Variants in SPTBN5 observed in about 807,000 individuals in gnomAD.
SPTBN5 encodes spectrin beta chain, non-erythrocytic 5.
In SPTBN5, 513 loss-of-function variants were observed where a neutral mutation model predicts 477.6. The observed-to-expected ratio is 1.07, with a 90% confidence interval of 1.00 to 1.16. The LOEUF (loss-of-function observed/expected upper bound fraction) is 1.16, where lower values mean the gene tolerates loss of function less well. Ranked by LOEUF, SPTBN5 falls within the 50% of genes most tolerant of loss-of-function variation. SPTBN5 has a pLI of 0.00. For synonymous variants in SPTBN5, 2,169 were observed against 2,011.7 expected, an observed-to-expected ratio of 1.08 and a Z score of -2.09; for missense variants, 5,062 against 4,731.8, an observed-to-expected ratio of 1.07 and a Z score of -2.05.
rs200590096 is a variant in SPTBN5, at chr15:41,877,178, C to T, written c.3649G>A (p.Val1217Met). ...GCACAGGTGGCAGTGAAACCATCCA[C>T]TTCTCGGCCAAACTTCTGCAGCTCC... is the stretch of plus-strand genomic sequence containing the variant. ...GLELQKFGRE[V>M]DGFTATCANH... Residue 1217 changes from valine to methionine, a missense_variant, in exon 18 of 68, where the codon GTG (valine) becomes ATG (methionine). Physicochemically the swap from Val to Met is conservative, Grantham distance 21 (BLOSUM62 1). Coordinates refer to ENST00000320955, the MANE Select transcript of SPTBN5 (RefSeq NM_016642.4). 2 of 1,614,006 alleles carry T rather than the reference C, an allele frequency of 1.2e-6. No individual in the cohort carries two copies. The highest frequency in any genetic ancestry group is 1.7e-6 in the Non-Finnish European group (2 of 1,179,904).
Position 41,881,079 on chromosome 15 carries a change from C to T in SPTBN5, c.2613G>A (p.Gln871=). ...DFDPNTILQT[Q]DHLSQDYESL... ...TCTCATAGTCCTGACTCAAGTGGTC[C>T]TGTGTCTGGAGTATAGTGTTGGGAT... Residue 871 remains glutamine, a synonymous_variant, in exon 13 of 68, where the codon CAG becomes CAA. Coordinates refer to ENST00000320955, the MANE Select transcript of SPTBN5 (RefSeq NM_016642.4). 1.2e-6 allele frequency: 2 copies of T among 1,609,126 alleles called. No homozygotes were observed. The highest frequency in any genetic ancestry group is 1.7e-6 in the Non-Finnish European group (2 of 1,177,718).
At chr15:41,892,827 C>G (rs1008790141) in intron 3 of SPTBN5, 67 bp downstream of exon 3, 12 of 1,497,884 alleles carry the variant, frequency 8.0e-6, no homozygotes, top group African/African-American at 1.4e-5. Flanking sequence ...GAAAGGTGAC[C>G]CAGTAGTTCA....
At chr15:41,859,900 C>T (rs754557250) in intron 47 of SPTBN5, among the ~76,000 whole-genome samples, 11 of 152,096 alleles carry the variant, frequency 7.2e-5, no homozygotes, top group Non-Finnish European at 1.5e-4. Flanking sequence ...GCTCTCTGAT[C>T]GGCTCTCTGA....
In SPTBN5 at chr15:41,890,128, G is replaced by A; in HGVS notation, c.462C>T (p.Ile154=). 6.2e-7 allele frequency: 1 copy of A among 1,613,170 alleles called. No individual in the cohort carries two copies. Among genetic ancestry groups the A allele is most frequent in the Non-Finnish European group, 8.5e-7 (1 of 1,179,612 alleles). Reference sequence around the variant, plus strand: ...TGTGGGAGATCTGGAAACGCAGAATGATGACCCAGATGAGTCCCAGGATGA... The same window carrying A: ...TGTGGGAGATCTGGAAACGCAGAATAATGACCCAGATGAGTCCCAGGATGA... ...QTLILGLIWV[I]ILRFQISHIS... The change falls in exon 4 of 68, where the codon ATC becomes ATT. Residue 154 remains isoleucine (I), a synonymous_variant. Transcript: ENST00000320955.
intron 59 of SPTBN5, 33 bp downstream of exon 59, chr15:41,853,225 G>A: frequency 3.2e-6 from 5 of 1,558,556 alleles, no homozygotes; most frequent in Non-Finnish European, 3.5e-6. Context: ...TGTATCCCCA[G>A]CCCAACCCCA....
chr15:41,890,022 G>C, intron 4 of SPTBN5, 67 bp downstream of exon 4: 1 of 989,940 alleles, frequency 1.0e-6, no homozygotes, highest in Non-Finnish European at 1.6e-6. Context: ...TGAATCCCCA[G>C]GGGTCTGAGG....
At position 41,849,977 on chromosome 15, in the gene SPTBN5, A is replaced by G. The variant is rs777438092; in HGVS notation, c.10922-18T>C. The G allele has an allele frequency of 3.2e-6, 5 of 1,566,924 alleles. 1 individual carries two copies. The South Asian group carries it at 4.7e-5, about 15-fold the overall frequency. On this transcript the variant is annotated intron_variant, in intron 66 of 67. Transcript: ENST00000320955. Reference sequence around the variant, plus strand: ...ACTCTGGGCTGCAGAGCAAGGGAATAACCACTGTTAGCCCGGCCCAGACCA... The same window carrying G: ...ACTCTGGGCTGCAGAGCAAGGGAATGACCACTGTTAGCCCGGCCCAGACCA...
At chr15:41,876,705 A>G in intron 19 of SPTBN5, 58 bp from the exon 20 acceptor site, 13 of 1,403,298 alleles carry the variant, frequency 9.3e-6, no homozygotes, top group Non-Finnish European at 1.2e-5. Flanking sequence ...CCCCAGCACG[A>G]GGTGCACTCT....
chr15:41,878,398 C>T lies in SPTBN5; in HGVS notation c.3414G>A (p.Gln1138=), dbSNP rs2066820260. 1.2e-6 allele frequency: 2 copies of T among 1,613,790 alleles called. No individual in the cohort carries two copies. Among genetic ancestry groups the T allele is most frequent in the East Asian group, 2.2e-5 (1 of 44,868 alleles). ...KEVSVDVASA[Q]RLLREHQDLL... is the part of the protein sequence containing the mutation. Reference sequence around the variant, plus strand: ...GGTCTTGGTGCTCCCTCAGCAGCCGCTGAGCCGAGGCCACATCCACTGACA... The same window carrying T: ...GGTCTTGGTGCTCCCTCAGCAGCCGTTGAGCCGAGGCCACATCCACTGACA... Residue 1138 remains glutamine, a synonymous_variant, in exon 17 of 68, where the codon CAG becomes CAA. Coordinates refer to ENST00000320955, the MANE Select transcript of SPTBN5 (RefSeq NM_016642.4).
chr15:41,861,872 G>A lies in SPTBN5; in HGVS notation c.7600C>T (p.Gln2534Ter). The change falls in exon 45 of 68, where the codon CAG (glutamine) becomes TAG (stop). Residue 2534 changes from glutamine to a stop codon, truncating the protein, a stop_gained. Coordinates refer to ENST00000320955, the MANE Select transcript of SPTBN5 (RefSeq NM_016642.4). LOFTEE classifies it high-confidence loss of function. Reference protein sequence around the residue: ...DSISLARSTGQQLLTAGHPFS... With the variant: ...DSISLARSTG Reference sequence around the variant, plus strand: ...GGGTGCCCCGCTGTGAGCAGTTGCTGCCCAGTGCTTCGGGCCAGGCTGATG... The same window carrying A: ...GGGTGCCCCGCTGTGAGCAGTTGCTACCCAGTGCTTCGGGCCAGGCTGATG... 1 of 1,608,588 alleles carries A rather than the reference G, an allele frequency of 6.2e-7. No individual in the cohort carries two copies. Among genetic ancestry groups the A allele is most frequent in the Non-Finnish European group, 8.5e-7 (1 of 1,179,518 alleles).
rs28627803 is a variant in SPTBN5, at chr15:41,851,053, G to A, written c.10835+6C>T. 0.19 allele frequency: 311,798 copies of A among 1,608,916 alleles called. 31,911 individuals are homozygous for A. The highest frequency in any genetic ancestry group is 0.29 in the Admixed American group (17,395 of 59,314). ...GTGATGCCGGAGTCCATGTCTCTCC[G>A]CTCACCTTAAGGAGAATGTGTGTTT... On this transcript the variant is annotated splice_donor_region_variant and intron_variant, in intron 65 of 67. Coordinates refer to ENST00000320955, the MANE Select transcript of SPTBN5 (RefSeq NM_016642.4).
chr15:41,893,160 G>A, intron 2 of SPTBN5, 99 bp from the exon 3 acceptor site: 2 of 1,567,654 alleles, frequency 1.3e-6, no homozygotes, highest in Non-Finnish European at 1.7e-6. Context: ...TGCTTTGGAA[G>A]AAGGAGCTCT....
chr15:41,857,369 CCTCT>C lies in SPTBN5; in HGVS notation c.8486_8489del (p.Gln2829ArgfsTer25). 6.3e-7 allele frequency: 1 copy of C among 1,577,834 alleles called. No homozygotes were observed. Among genetic ancestry groups the C allele is most frequent in the Non-Finnish European group, 8.6e-7 (1 of 1,161,976 alleles). ...TCTTGTCCACTGCTGCCTCCAGCTC[CCTCT>C]GTGTGCCCAGGAGCTCGCCCACCCC... On this transcript the variant is annotated frameshift_variant, in exon 51 of 68. Transcript: ENST00000320955. LOFTEE classifies it high-confidence loss of function.
rs759346455 is a variant in SPTBN5, at chr15:41,858,944, G to A, written c.8025C>T (p.Arg2675=). 8.2e-6 allele frequency: 13 copies of A among 1,593,302 alleles called. No homozygotes were observed. In the South Asian group the frequency reaches 1.5e-4, roughly 18 times the overall value. ...EALFRQAGTR[R]HRLEELRQLQ... ...GCTGCCGGAGCTCCTCCAGGCGATG[G>A]CGGCGGGTCCCGGCTTGCCTGAAGA... Residue 2675 remains arginine (R), a synonymous_variant, in exon 48 of 68, where the codon CGC becomes CGT. Transcript: ENST00000320955.
At position 41,855,366 on chromosome 15, in the gene SPTBN5, GC is replaced by G. The variant is rs779809528; in HGVS notation, c.9280del (p.Ala3094ArgfsTer28). 1.2e-6 allele frequency: 2 copies of G among 1,605,026 alleles called. No individual in the cohort carries two copies. The highest frequency in any genetic ancestry group is 1.1e-5 in the South Asian group (1 of 91,040). ...REAHAELLRR[A>X]EARGHGLQEQ... Reference sequence around the variant, plus strand: ...CTGCAGGCCGTGCCCCCTGGCCTCCGCCCTCCGCAGCAGCTCTGCGTGGGCC... The same window carrying G: ...CTGCAGGCCGTGCCCCCTGGCCTCCGCCTCCGCAGCAGCTCTGCGTGGGCC... On this transcript the variant is annotated frameshift_variant, in exon 55 of 68. Transcript: ENST00000320955. LOFTEE classifies it high-confidence loss of function.
chr15:41,853,887 C>A, intron 57 of SPTBN5, 100 bp from the exon 58 acceptor site: 2 of 1,429,540 alleles, frequency 1.4e-6, no homozygotes, highest in South Asian at 2.7e-5. Context: ...CACCTCCACT[C>A]TGCTGCACAA....
chr15:41,860,799 C>T, intron 46 of SPTBN5, 41 bp from the exon 47 acceptor site: 2 of 1,435,586 alleles, frequency 1.4e-6, no homozygotes, highest in Non-Finnish European at 1.8e-6. Context: ...ATGAGCCTCC[C>T]CCTCCCATCC....
In SPTBN5 at chr15:41,866,359, C is replaced by A; in HGVS notation, c.6615G>T (p.Met2205Ile). 6.2e-7 allele frequency: 1 copy of A among 1,603,252 alleles called. No individual in the cohort carries two copies. The highest frequency in any genetic ancestry group is 1.1e-5 in the South Asian group (1 of 89,606). The change falls in exon 37 of 68, where the codon ATG becomes ATT. Residue 2205 changes from methionine (M) to isoleucine (I), a missense_variant. Transcript: ENST00000320955. The part of the protein sequence containing the change: ...EAEVQAHEEV[M>I]TSVAKKGEAL... ...CGGTTGTTACCTTGGCAACAGAGGT[C>A]ATGACCTCCTCATGGGCCTGGACTT...
rs1377144626 is a variant in SPTBN5 at position 41,854,064 on chromosome 15, G to A, written c.9760C>T (p.His3254Tyr). The A allele has an allele frequency of 1.9e-6, 3 of 1,571,204 alleles. No individual in the cohort carries two copies. Among genetic ancestry groups the A allele is most frequent in the Non-Finnish European group, 1.7e-6 (2 of 1,161,278 alleles). Residue 3254 changes from histidine to tyrosine, a missense_variant, in exon 57 of 68, where the codon CAC becomes TAC. His to Tyr is a moderately conservative substitution (Grantham distance 83, BLOSUM62 2). Transcript: ENST00000320955. ...GTGGGCCTCACCTCCAGGCGCCTGT[G>A]CTGTTGCTGCAGGGTCCGCACAGAT... ...LSSVRTLQQQ[H>Y]RRLERELEAM...
Sources: gnomAD v4.1 joint callset for allele counts (sites outside exome capture counted in the v4.1 genomes callset) on GRCh38, gnomAD v4.1.1 for gene constraint, MANE v1.5 for transcripts, NCBI Gene and HGNC (gene_info 2026-07-23, HGNC 2026-07-21) for gene names.